LMTK3: variants seen among roughly 807,000 people sequenced by gnomAD.
LMTK3 encodes lemur tail kinase 3, also known as serine/threonine-protein kinase LMTK3.
LMTK3 carries 27 observed loss-of-function variants against 116.7 expected under a neutral mutation model. The observed-to-expected ratio is 0.23, with a 90% CI of 0.17 to 0.32. The LOEUF (loss-of-function observed/expected upper bound fraction) is 0.32. LMTK3 is among the 10% of genes least tolerant of loss of function. The pLI, the probability that LMTK3 is intolerant of heterozygous loss-of-function variation, is 1.00. For synonymous variants in LMTK3, 965 were observed against 971.0 expected (o/e 0.99, Z 0.11); for missense variants, 1,764 against 2,068.5 (o/e 0.85, Z 2.86).
At chr19:48,486,052 T>C (rs921348615) in intron 14 of LMTK3, among the ~76,000 whole-genome samples, 1 of 110,748 alleles carries the variant, frequency 9.0e-6, no homozygotes, top group Non-Finnish European at 1.8e-5. Context: ...TCTTCCTTTT[T>C]TTTTTTTTTT....
chr19:48,503,676 G>A (rs1357054434), intron 5 of LMTK3, among the ~76,000 whole-genome samples: 1 of 152,070 alleles, frequency 6.6e-6, no homozygotes, highest in Non-Finnish European at 1.5e-5. Flanking sequence ...ATAGAGCGCC[G>A]GCTCTTTGAT....
At position 48,501,276 on chromosome 19, in the gene LMTK3, T is replaced by G; in HGVS notation, c.1001+7A>C. On this transcript the variant is annotated splice_region_variant and intron_variant, in intron 9 of 14. Coordinates refer to ENST00000600059, the MANE Select transcript of LMTK3 (RefSeq NM_001388485.1). ...CTGCCTCGGCCCCCGCGGCCCGTGG[T>G]CCTCACCAGATGTTGCTCTCGCGGC... 1 of 1,613,214 alleles carries G rather than the reference T, an allele frequency of 6.2e-7. No homozygotes were observed. The highest frequency in any genetic ancestry group is 1.1e-5 in the South Asian group (1 of 91,056).
Position 48,491,446 on chromosome 19 carries a change from CG to C in LMTK3, c.4185del (p.Ala1396ProfsTer88). 1 of 1,412,010 alleles carries C rather than the reference CG, an allele frequency of 7.1e-7. No individual in the cohort carries two copies. Among genetic ancestry groups the C allele is most frequent in the Non-Finnish European group, 9.3e-7 (1 of 1,079,966 alleles). 87.5% of individuals were successfully genotyped at this position (1,412,010 alleles called of 1,614,324 possible). ...TPPAPPTPPH[P>X]ATPGDGFPSN... Reference sequence around the variant, plus strand: ...CTGGGAAACCCATCTCCGGGGGTGGCGGGGTGGGGAGGTGTCGGGGGCGCTG... The same window carrying C: ...CTGGGAAACCCATCTCCGGGGGTGGCGGGTGGGGAGGTGTCGGGGGCGCTG... On this transcript the variant is annotated frameshift_variant, in exon 13 of 15. Transcript: ENST00000600059. LOFTEE classifies it high-confidence loss of function. This position sits in a 1 kb window ranked among gnomAD's most constrained non-coding sequence, Gnocchi z 5.1.
At chr19:48,490,990 AGAGAAGAGACT>A (rs1294579712) in intron 14 of LMTK3, 107 bp downstream of exon 14, 2 of 638,066 alleles carry the variant, frequency 3.1e-6, no homozygotes, top group East Asian at 7.0e-5. Context: ...GAGAGGGGAG[AGAGAAGAGACT>A]GGGAAGAGAG....
At position 48,493,928 on chromosome 19, in the gene LMTK3, C is replaced by CTCCTCGTCCTCG. The variant is rs746027782; in HGVS notation, c.3846_3857dup (p.Asp1282_Glu1285dup). ...CCGGCGCCGCCGCCTCCTCGTCCTCCTCCTCGTCCTCGTCCTCGTCCTCCC... is the reference window on the plus strand; with the variant it reads ...CCGGCGCCGCCGCCTCCTCGTCCTCCTCCTCGTCCTCGTCCTCGTCCTCGTCCTCGTCCTCCC... On this transcript the variant is annotated inframe_insertion, in exon 12 of 15. Coordinates refer to ENST00000600059, the MANE Select transcript of LMTK3 (RefSeq NM_001388485.1). 63 of 1,031,792 alleles carry CTCCTCGTCCTCG rather than the reference C, an allele frequency of 6.1e-5. No homozygotes were observed. The highest frequency in any genetic ancestry group is 6.6e-5 in the Non-Finnish European group (57 of 863,974). 63.9% of individuals were successfully genotyped at this position (1,031,792 alleles called of 1,614,324 possible). A position where few individuals can be genotyped will look rare whatever the true frequency, so the allele number is the denominator to read the frequency against.
At chr19:48,490,174 G>C (rs1158240462) in intron 14 of LMTK3, among the ~76,000 whole-genome samples, 1 of 152,182 alleles carries the variant, frequency 6.6e-6, no homozygotes, top group Non-Finnish European at 1.5e-5. Flanking sequence ...GCAACTGTGG[G>C]TTTGAATCCC....
chr19:48,493,550 T>G (rs1262825333), intron 12 of LMTK3, 144 bp downstream of exon 12: 4 of 395,408 alleles, frequency 1.0e-5, no homozygotes, highest in East Asian at 2.3e-4. Flanking sequence ...TCGGCCTCCC[T>G]TCAGGCCCCG....
chr19:48,487,864 C>T (rs77500809), intron 14 of LMTK3, among the ~76,000 whole-genome samples: 10,544 of 152,064 alleles, frequency 0.069, 938 homozygotes, highest in African/African-American at 0.21. Context: ...GGAAGCATGA[C>T]CTTCATGCTT....
chr19:48,485,823 T>G, intron 14 of LMTK3, 34 bp from the exon 15 acceptor site: 1 of 1,596,812 alleles, frequency 6.3e-7, no homozygotes, highest in East Asian at 2.3e-5. Flanking sequence ...AGAAATGAAA[T>G]TACTAGGGGG....
At position 48,485,638 on chromosome 19, in the gene LMTK3, G is replaced by T. The variant is rs1972109167; in HGVS notation, c.*135C>A. 1.0e-6 allele frequency: 1 copy of T among 960,190 alleles called. No individual in the cohort carries two copies. The highest frequency in any genetic ancestry group is 1.6e-6 in the Non-Finnish European group (1 of 626,290). The allele number at this position is 960,190 out of a possible 1,614,324, so 59.5% of individuals were successfully genotyped here. A position where few individuals can be genotyped will look rare whatever the true frequency, so the allele number is the denominator to read the frequency against. Reference sequence around the variant, plus strand: ...CCCGTTTGGCACATGGTAGGGGAGTGGGAGGGGGAGGGCCCAGCCTCGGGG... The same window carrying T: ...CCCGTTTGGCACATGGTAGGGGAGTTGGAGGGGGAGGGCCCAGCCTCGGGG... On this transcript the variant is annotated 3_prime_UTR_variant, in exon 15 of 15. Transcript: ENST00000600059.
intron 14 of LMTK3, among the ~76,000 whole-genome samples, chr19:48,490,620 C>T (rs1972205135): frequency 6.6e-6 from 1 of 152,066 alleles, no homozygotes; most frequent in African/African-American, 2.4e-5. Context: ...TGGTGAGGCA[C>T]TGCAGGGTCC....
intron 3 of LMTK3, 43 bp downstream of exon 3, chr19:48,509,980 T>C: frequency 6.2e-7 from 1 of 1,606,556 alleles, no homozygotes; most frequent in Non-Finnish European, 8.5e-7. Flanking sequence ...TTCTGGCCTT[T>C]CCCGGGACAC....
intron 14 of LMTK3, among the ~76,000 whole-genome samples, chr19:48,486,951 C>T (rs951996948): frequency 1.3e-5 from 2 of 151,574 alleles, no homozygotes; most frequent in Non-Finnish European, 1.5e-5. Flanking sequence ...CTGAAACCTT[C>T]GCCTCCTGGA....
rs1303541152 is a variant in LMTK3 at position 48,493,772 on chromosome 19, C to A, written c.4014G>T (p.Glu1338Asp). ...GLLKSPRGAD[E>D]PEDSELERKR... ...TCCTCTCCAGCTCGCTGTCCTCTGG[C>A]TCGTCGGCCCCGCGCGGAGACTTGA... The change falls in exon 12 of 15, where the codon GAG becomes GAT. Residue 1338 changes from glutamate to aspartate, a missense_variant. Around this residue, in one of 7 missense-constraint regions of LMTK3, gnomAD observed 281 missense variants for 301.4 expected, o/e 0.93. Transcript: ENST00000600059. 2 of 1,547,766 alleles carry A rather than the reference C, an allele frequency of 1.3e-6. No individual in the cohort carries two copies. Among genetic ancestry groups the A allele is most frequent in the African/African-American group, 2.8e-5 (2 of 71,696 alleles).
At chr19:48,513,094 C>G (rs373882421), upstream of LMTK3, 7 of 1,534,436 alleles carry the variant, frequency 4.6e-6, no homozygotes, top group African/African-American at 9.6e-5. This position sits in a 1 kb window ranked among gnomAD's most constrained non-coding sequence, Gnocchi z 5.6. Flanking sequence ...ACACCCACAA[C>G]ACAGACACAG....
chr19:48,506,749 C>T (rs1038112026), intron 5 of LMTK3, among the ~76,000 whole-genome samples: 1 of 152,176 alleles, frequency 6.6e-6, no homozygotes, highest in African/African-American at 2.4e-5. Flanking sequence ...ACTGCAACCT[C>T]TGCCTCTGGG....
intron 14 of LMTK3, among the ~76,000 whole-genome samples, chr19:48,487,219 G>T (rs914317157): frequency 6.6e-6 from 1 of 152,030 alleles, no homozygotes; most frequent in Non-Finnish European, 1.5e-5. Flanking sequence ...ATTTTTAGGA[G>T]AGATGGGGTT....
upstream of LMTK3, chr19:48,513,517 C>A: frequency 3.2e-6 from 1 of 312,218 alleles, no homozygotes; most frequent in East Asian, 7.6e-5. The surrounding 1 kb of genome is among the most constrained non-coding windows in gnomAD (Gnocchi z 5.6). Context: ...TCACATCCCA[C>A]CCTCCAGCGC....
At position 48,510,555 on chromosome 19, in the gene LMTK3, G is replaced by T; in HGVS notation, c.114C>A (p.Pro38=). The T allele has an allele frequency of 6.3e-7, 1 of 1,598,936 alleles. No individual in the cohort carries two copies. The highest frequency in any genetic ancestry group is 1.1e-5 in the South Asian group (1 of 88,170). ...FALGRAPLAP[P]YAVVLISCSG... ...AGCAGGAAATGAGGACCACAGCGTA[G>T]GGAGGAGCCAGAGGAGCCCGGCCCA... The change falls in exon 2 of 15, where the codon CCC becomes CCA. Residue 38 remains proline, a synonymous_variant. Transcript: ENST00000600059.
Sources: allele counts gnomAD v4.1 joint callset (sites outside exome capture counted in the v4.1 genomes callset), GRCh38; gene constraint gnomAD v4.1.1; regional missense constraint gnomAD v4.1.1; non-coding constraint Gnocchi (gnomAD v3.1); transcripts MANE v1.5; gene names NCBI Gene and HGNC (gene_info 2026-07-23, HGNC 2026-07-21).